Variants in PRKN observed in about 807,000 individuals in gnomAD.
PRKN encodes the protein E3 ubiquitin-protein ligase parkin.
PRKN carries 56 observed loss-of-function variants against 59.5 expected under a neutral mutation model. The observed-to-expected ratio is 0.94, with a 90% CI of 0.76 to 1.18. The LOEUF (loss-of-function observed/expected upper bound fraction) is 1.18, where lower values mean the gene tolerates loss of function less well. Among genes scored for constraint, PRKN ranks in the 50% most tolerant of loss-of-function variants. The probability of loss-of-function intolerance (pLI) is 0.00; values close to 1 mark genes in which losing one functional copy is unlikely to be tolerated. For missense variants in PRKN, 657 were observed against 596.4 expected, an observed-to-expected ratio of 1.10 and a Z score of -1.06; for synonymous variants, 250 against 222.1, an observed-to-expected ratio of 1.13 and a Z score of -1.12.
chr6:161,931,793 T>C (rs1369931631), intron 6 of PRKN, among the ~76,000 whole-genome samples: 1 of 152,208 alleles, frequency 6.6e-6, no homozygotes, highest in Non-Finnish European at 1.5e-5. Context: ...TACTTTCCCC[T>C]ATGGAAAGCA....
chr6:161,782,002 A>G (rs1424843152), intron 7 of PRKN, among the ~76,000 whole-genome samples: 1 of 152,196 alleles, frequency 6.6e-6, no homozygotes, highest in Non-Finnish European at 1.5e-5. Flanking sequence ...CTGGGAGAGA[A>G]ATTTGGAAAC....
At chr6:161,705,644 T>C (rs150136862) in intron 7 of PRKN, among the ~76,000 whole-genome samples, 2 of 152,274 alleles carry the variant, frequency 1.3e-5, no homozygotes, top group East Asian at 3.9e-4. Flanking sequence ...AAAATGGGAA[T>C]AAAAGTACTA....
chr6:162,198,969 T>C (rs781091496), intron 4 of PRKN, among the ~76,000 whole-genome samples: 55 of 152,264 alleles, frequency 3.6e-4, no homozygotes, highest in African/African-American at 1.2e-3. Context: ...AAATGAGAAA[T>C]CCCATGTAAA....
chr6:162,029,720 T>C (rs1783568416), intron 5 of PRKN, among the ~76,000 whole-genome samples: 3 of 152,248 alleles, frequency 2.0e-5, no homozygotes, highest in Admixed American at 2.0e-4. Flanking sequence ...TCCTGGATTA[T>C]CTTGGGCATT....
At chr6:162,129,153 G>T (rs776766990) in intron 4 of PRKN, among the ~76,000 whole-genome samples, 2 of 152,262 alleles carry the variant, frequency 1.3e-5, no homozygotes, top group African/African-American at 4.8e-5. Flanking sequence ...AAAAATTCCT[G>T]ATCAGATTTT....
At chr6:162,301,153 C>T (rs1200767046) in intron 2 of PRKN, among the ~76,000 whole-genome samples, 2 of 152,056 alleles carry the variant, frequency 1.3e-5, no homozygotes, top group Admixed American at 1.3e-4. Context: ...TTTAAACCTT[C>T]CAATGACCAG....
chr6:162,084,106 T>C (rs1779163923), intron 4 of PRKN, among the ~76,000 whole-genome samples: 1 of 152,114 alleles, frequency 6.6e-6, no homozygotes, highest in Non-Finnish European at 1.5e-5. Flanking sequence ...AACTATTAAA[T>C]GCATTAGATA....
chr6:162,442,857 A>T (rs2128167421), intron 2 of PRKN, among the ~76,000 whole-genome samples: 1 of 152,324 alleles, frequency 6.6e-6, no homozygotes, highest in East Asian at 1.9e-4. Context: ...CCTCTAGCGC[A>T]GCATAGCAGC....
In PRKN at chr6:161,444,158, G is replaced by A. The variant is rs1490278927; in HGVS notation, c.1084-57281C>T. ...GCCAGGCCAGGCCCAGCGGGTGGGA[G>A]CTGCAGATACCACTTCTCCAGGACC... On this transcript the variant is annotated intron_variant, in intron 9 of 11. Transcript: ENST00000366898. This position sits in a 1 kb window ranked among gnomAD's most constrained non-coding sequence, Gnocchi z 5.6. 1.3e-5 allele frequency among the ~76,000 whole-genome samples: 2 copies of A among 152,196 alleles called. No individual in the cohort carries two copies. The highest frequency in any genetic ancestry group is 2.9e-5 in the Non-Finnish European group (2 of 68,038).
chr6:162,053,486 T>G (rs1777732367), intron 5 of PRKN, among the ~76,000 whole-genome samples: 1 of 152,054 alleles, frequency 6.6e-6, no homozygotes, highest in Non-Finnish European at 1.5e-5. Flanking sequence ...AAAAATAAAT[T>G]CAGAGCTTAG....
intron 4 of PRKN, among the ~76,000 whole-genome samples, chr6:162,129,719 T>C (rs1460126829): frequency 1.3e-5 from 2 of 152,206 alleles, no homozygotes; most frequent in Non-Finnish European, 2.9e-5. Context: ...ATGTGAGGAC[T>C]GATTCACAGA....
intron 2 of PRKN, among the ~76,000 whole-genome samples, chr6:162,301,287 AG>A (rs1278273197): frequency 1.3e-5 from 2 of 152,092 alleles, no homozygotes; most frequent in African/African-American, 4.8e-5. Context: ...TTAACCCCCA[AG>A]GCTACTGATC....
At chr6:162,085,352 T>C (rs1779209369) in intron 4 of PRKN, among the ~76,000 whole-genome samples, 1 of 151,980 alleles carries the variant, frequency 6.6e-6, no homozygotes, top group African/African-American at 2.4e-5. Context: ...CTAATTTATA[T>C]TAATGAATAG....
At chr6:161,832,623 C>CAAAA (rs529969845) in intron 6 of PRKN, among the ~76,000 whole-genome samples, 1 of 75,210 alleles carries the variant, frequency 1.3e-5, no homozygotes, top group African/African-American at 5.2e-5. Context: ...GATTCCATCT[C>CAAAA]AAAAAAAAAA....
intron 4 of PRKN, among the ~76,000 whole-genome samples, chr6:162,140,587 T>C (rs897102068): frequency 6.6e-6 from 1 of 152,282 alleles, no homozygotes; most frequent in Middle Eastern, 3.4e-3. Context: ...GTTATTTTCG[T>C]TGGTTTCCTT....
At chr6:161,720,617 T>C (rs1461102630) in intron 7 of PRKN, among the ~76,000 whole-genome samples, 1 of 152,180 alleles carries the variant, frequency 6.6e-6, no homozygotes, top group Admixed American at 6.5e-5. Context: ...TGTGCAACTG[T>C]CTTCATCAAT....
chr6:161,826,629 C>G (rs1792256680), intron 6 of PRKN, among the ~76,000 whole-genome samples: 1 of 152,194 alleles, frequency 6.6e-6, no homozygotes, highest in Non-Finnish European at 1.5e-5. Context: ...TCCACCCAGT[C>G]AGTTCTAGAC....
chr6:161,480,898 T>G lies in PRKN; in HGVS notation c.1083+67956A>C, dbSNP rs956838393. 1.4e-4 allele frequency among the ~76,000 whole-genome samples: 22 copies of G among 152,196 alleles called. No individual in the cohort carries two copies. Among genetic ancestry groups the G allele is most frequent in the African/African-American group, 4.8e-4 (20 of 41,440 alleles). On this transcript the variant is annotated intron_variant, in intron 9 of 11. Transcript: ENST00000366898. This position sits in a 1 kb window ranked among gnomAD's most constrained non-coding sequence, Gnocchi z 4.1. The stretch of plus-strand genomic sequence containing the variant: ...CATAAGCAGTGTGCTAACAACCCAT[T>G]GGTAACTGGAAAGGAAAGCTGATGG...
chr6:161,629,402 C>A (rs1449141712), intron 7 of PRKN, among the ~76,000 whole-genome samples: 2 of 152,096 alleles, frequency 1.3e-5, no homozygotes, highest in Non-Finnish European at 2.9e-5. Context: ...CTCCCCTGCA[C>A]CCCGGCAGTT....
Sources: gnomAD v4.1 joint callset for allele counts (sites outside exome capture counted in the v4.1 genomes callset) on GRCh38, gnomAD v4.1.1 for gene constraint, Gnocchi (gnomAD v3.1) non-coding constraint, MANE v1.5 for transcripts, NCBI Gene and HGNC (gene_info 2026-07-23, HGNC 2026-07-21) for gene names.